Variants in CRHBP observed in about 807,000 individuals in gnomAD.
The protein encoded by CRHBP is corticotropin-releasing hormone-binding protein.
A neutral mutation model predicts 34.9 loss-of-function variants in CRHBP; 19 were observed. The ratio of observed to expected loss-of-function variants is 0.55; its 90% CI spans 0.38 to 0.80. The LOEUF is 0.80. Among genes scored for constraint, CRHBP ranks in the 30% least tolerant of loss-of-function variants. The pLI is 0.00. For missense variants in CRHBP, 328 were observed against 409.2 expected (o/e 0.80, Z 1.71); for synonymous variants, 154 against 153.4 (o/e 1.00, Z -0.03).
chr5:76,976,116 A>G (rs999712027), intron 2 of CRHBP, among the ~76,000 whole-genome samples: 1 of 151,560 alleles, frequency 6.6e-6, no homozygotes, highest in African/African-American at 2.4e-5. Flanking sequence ...GCTGGCCCCT[A>G]CCCACCCATC....
intron 1 of CRHBP, 156 bp from the exon 2 acceptor site, chr5:76,953,444 AG>A (rs1745604389): frequency 1.1e-6 from 1 of 906,418 alleles, no homozygotes; most frequent in South Asian, 1.4e-5. Flanking sequence ...CCTGATGGAG[AG>A]GGTCTAAGAC....
intron 5 of CRHBP, among the ~76,000 whole-genome samples, chr5:76,962,607 CA>C (rs1745796659): frequency 6.8e-6 from 1 of 147,532 alleles, no homozygotes; most frequent in African/African-American, 2.5e-5. Context: ...ATCAAGGACC[CA>C]TCTCTACAAA....
chr5:76,954,402 G>T (rs992801701), intron 3 of CRHBP, among the ~76,000 whole-genome samples: 1 of 152,196 alleles, frequency 6.6e-6, no homozygotes. Context: ...CACACATCCA[G>T]TGGGGCTGGG....
chr5:76,975,157 A>G (rs1746006545), intron 2 of CRHBP, among the ~76,000 whole-genome samples: 1 of 152,230 alleles, frequency 6.6e-6, no homozygotes, highest in Non-Finnish European at 1.5e-5. Context: ...TTAAGAAAAC[A>G]TGTCTTGTGT....
At chr5:76,958,655 G>T (rs1745727491) in intron 4 of CRHBP, 86 bp from the exon 5 acceptor site, 6 of 1,434,426 alleles carry the variant, frequency 4.2e-6, no homozygotes, top group Non-Finnish European at 5.6e-6. Flanking sequence ...ATGAACAGGA[G>T]CCCTAGAATA....
In CRHBP at chr5:76,955,842, A is replaced by C. The variant is rs1405319432; in HGVS notation, c.523A>C (p.Lys175Gln). 15 of 1,614,158 alleles carry C rather than the reference A, an allele frequency of 9.3e-6. No homozygotes were observed. The highest frequency in any genetic ancestry group is 1.7e-4 in the Middle Eastern group (1 of 6,044). ...EPGNGFTLTI[K>Q]TDPNLFPCNV... is the part of the protein sequence containing the mutation. The stretch of plus-strand genomic sequence containing the variant: ...AGGAAATGGATTCACATTAACCATA[A>C]AGACAGACCCCAACCTCTTTCGTAA... The change falls in exon 4 of 7, where the codon AAG becomes CAG. Residue 175 changes from lysine to glutamine, a missense_variant. Physicochemically the swap from Lys to Gln is moderately conservative, Grantham distance 53. Transcript: ENST00000274368.
chr5:76,954,501 G>A (rs1176451574), intron 3 of CRHBP, among the ~76,000 whole-genome samples: 1 of 131,450 alleles, frequency 7.6e-6, no homozygotes, highest in Non-Finnish European at 1.7e-5. Context: ...AACTCGCAGC[G>A]CGGAACTCTG....
At chr5:76,975,347 C>T (rs1414171013) in intron 2 of CRHBP, among the ~76,000 whole-genome samples, 2 of 152,120 alleles carry the variant, frequency 1.3e-5, no homozygotes, top group Non-Finnish European at 2.9e-5. Context: ...TCATTAGTAA[C>T]ATATTACTTT....
At chr5:76,962,329 C>G (rs1173575388) in intron 5 of CRHBP, among the ~76,000 whole-genome samples, 2 of 152,004 alleles carry the variant, frequency 1.3e-5, no homozygotes, top group African/African-American at 4.8e-5. Flanking sequence ...AGCATAGAGC[C>G]CTTCTAGGCA....
At chr5:76,980,095 C>CA (rs983272349) in intron 3 of CRHBP, among the ~76,000 whole-genome samples, 79 of 146,680 alleles carry the variant, frequency 5.4e-4, no homozygotes, top group African/African-American at 8.8e-4. Context: ...ACTAAAAATA[C>CA]AAAAAAAAAA....
chr5:76,977,378 A>G (rs939523230), intron 3 of CRHBP, among the ~76,000 whole-genome samples: 7 of 152,130 alleles, frequency 4.6e-5, no homozygotes, highest in Non-Finnish European at 8.8e-5. Flanking sequence ...GAGCAAGTCT[A>G]TTGGTGCCAT....
chr5:76,968,876 T>C lies in CRHBP; in HGVS notation c.960T>C (p.Ser320=). 6.2e-7 allele frequency: 1 copy of C among 1,613,430 alleles called. No homozygotes were observed. Among genetic ancestry groups the C allele is most frequent in the Admixed American group, 1.7e-5 (1 of 59,916 alleles). The change falls in exon 7 of 7, where the codon TCT becomes TCC. Residue 320 remains serine (S), a synonymous_variant. Transcript: ENST00000274368. ...NGNSIGEFCL[S]GL is the part of the protein sequence containing the mutation. Reference sequence around the variant, plus strand: ...ACAGTATCGGGGAATTCTGTTTGTCTGGTCTTTGAATAACCAACCCAGTGA... The same window carrying C: ...ACAGTATCGGGGAATTCTGTTTGTCCGGTCTTTGAATAACCAACCCAGTGA...
chr5:76,964,270 C>T (rs146714460), intron 6 of CRHBP, among the ~76,000 whole-genome samples: 3 of 152,110 alleles, frequency 2.0e-5, no homozygotes, highest in Non-Finnish European at 2.9e-5. Flanking sequence ...TTAACATTAA[C>T]GAGACAAAAC....
chr5:76,970,345 T>G (rs1382013604), downstream of CRHBP, among the ~76,000 whole-genome samples: 1 of 152,166 alleles, frequency 6.6e-6, no homozygotes, highest in African/African-American at 2.4e-5. Flanking sequence ...GAAACATATT[T>G]AATATGATTG....
At chr5:76,970,590 T>C (rs1292136401), downstream of CRHBP, among the ~76,000 whole-genome samples, 1 of 152,178 alleles carries the variant, frequency 6.6e-6, no homozygotes, top group Non-Finnish European at 1.5e-5. Flanking sequence ...ATATAAAATA[T>C]TGGATTCTTC....
chr5:76,955,892 T>C, intron 4 of CRHBP, 29 bp downstream of exon 4: 2 of 1,600,950 alleles, frequency 1.2e-6, no homozygotes, highest in Non-Finnish European at 1.7e-6. Context: ...AAGGCAGAAC[T>C]TCGGATATAG....
chr5:76,968,734 T>C lies in CRHBP; in HGVS notation c.818T>C (p.Met273Thr), dbSNP rs777034631. Residue 273 changes from methionine to threonine, a missense_variant, in exon 7 of 7, where the codon ATG becomes ACG. Met to Thr is a moderately conservative substitution (Grantham distance 81). Coordinates refer to ENST00000274368, the MANE Select transcript of CRHBP (RefSeq NM_001882.4). ...TCTTTTCCATCCATTATAGCCCAGA[T>C]GAAAGTTGGCTGTGACAACACTGTG... The part of the protein sequence containing the change: ...LCYPFHGPAQ[M>T]KVGCDNTVVR... 6.2e-7 allele frequency: 1 copy of C among 1,611,454 alleles called. No homozygotes were observed. The highest frequency in any genetic ancestry group is 8.5e-7 in the Non-Finnish European group (1 of 1,178,404).
At chr5:76,967,473 A>C (rs982434281) in intron 6 of CRHBP, among the ~76,000 whole-genome samples, 2 of 152,178 alleles carry the variant, frequency 1.3e-5, no homozygotes, top group Non-Finnish European at 2.9e-5. Flanking sequence ...AAAATTTAAA[A>C]ACACCTTATA....
At chr5:76,957,066 C>T (rs901541039) in intron 4 of CRHBP, among the ~76,000 whole-genome samples, 7 of 152,110 alleles carry the variant, frequency 4.6e-5, no homozygotes, top group Non-Finnish European at 7.4e-5. Context: ...CTGGGCCAGG[C>T]GTGGTGGCTC....
Sources: allele counts gnomAD v4.1 joint callset (sites outside exome capture counted in the v4.1 genomes callset), GRCh38; gene constraint gnomAD v4.1.1; transcripts MANE v1.5; gene names NCBI Gene and HGNC (gene_info 2026-07-23, HGNC 2026-07-21).